The following PRKCE variants were observed in gnomAD, a reference collection of about 807,000 sequenced individuals.
The protein encoded by PRKCE is protein kinase C epsilon.
A neutral mutation model predicts 85.4 loss-of-function variants in PRKCE; 16 were observed. That is an observed-to-expected ratio of 0.19 (90% CI 0.13 to 0.28). The LOEUF (loss-of-function observed/expected upper bound fraction) is 0.28. Ranked by LOEUF, PRKCE falls within the 10% of genes least tolerant of loss-of-function variation. The pLI is 1.00. For synonymous variants in PRKCE, 388 were observed against 371.5 expected (o/e 1.04, Z -0.51); for missense variants, 573 against 975.2 (o/e 0.59, Z 5.49).
intron 14 of PRKCE, among the ~76,000 whole-genome samples, chr2:46,180,254 A>G (rs779083190): frequency 9.9e-5 from 15 of 152,144 alleles, no homozygotes; most frequent in Admixed American, 6.5e-5. Flanking sequence ...GAAGGCAGGG[A>G]TAGGGGAGGG....
chr2:46,074,419 C>CA (rs1294421513), intron 10 of PRKCE, among the ~76,000 whole-genome samples: 1 of 24,164 alleles, frequency 4.1e-5, no homozygotes, highest in Non-Finnish European at 9.1e-5. Flanking sequence ...AACAAACAAA[C>CA]AACAACAACC....
At chr2:45,751,759 T>C (rs1376408354) in intron 1 of PRKCE, among the ~76,000 whole-genome samples, 1 of 149,274 alleles carries the variant, frequency 6.7e-6, no homozygotes, top group African/African-American at 2.5e-5. Context: ...AAATTTCCCA[T>C]AACCCCACCC....
chr2:46,098,463 C>T (rs935757365), intron 11 of PRKCE, among the ~76,000 whole-genome samples: 3 of 152,164 alleles, frequency 2.0e-5, no homozygotes, highest in Admixed American at 2.0e-4. Context: ...TTGCAAGTGG[C>T]TGAGTGCACA....
At chr2:45,703,826 T>C (rs556947015) in intron 1 of PRKCE, among the ~76,000 whole-genome samples, 3,943 of 152,338 alleles carry the variant, frequency 0.026, 172 homozygotes, top group African/African-American at 0.091. Context: ...ATGCAGCCTG[T>C]TCACTCATAA....
chr2:45,883,421 G>A lies in PRKCE; in HGVS notation c.412+40358G>A, dbSNP rs144128933. Among the ~76,000 whole-genome samples the A allele has an allele frequency of 2.8e-3, 428 of 152,316 alleles. 2 individuals are homozygous for A. Among genetic ancestry groups the A allele is most frequent in the Non-Finnish European group, 3.8e-3 (256 of 68,026 alleles). On this transcript the variant is annotated intron_variant, in intron 2 of 14. Transcript: ENST00000306156. The stretch of plus-strand genomic sequence containing the variant: ...TGCTGCTGGCTCAGCTGTGGCCAGT[G>A]TCTAATGGCCTTCGGGAGCCAACCA...
intron 2 of PRKCE, among the ~76,000 whole-genome samples, chr2:45,935,153 C>A (rs1002848027): frequency 6.6e-6 from 1 of 151,990 alleles, no homozygotes. Flanking sequence ...TGAGGGGGAC[C>A]ATACCTTAAA....
At chr2:45,738,219 T>A (rs998909944) in intron 1 of PRKCE, among the ~76,000 whole-genome samples, 1 of 152,246 alleles carries the variant, frequency 6.6e-6, no homozygotes, top group Non-Finnish European at 1.5e-5. Flanking sequence ...TTAATGATGT[T>A]ATTTTTCAGG....
chr2:46,054,937 G>A (rs1666417684), intron 10 of PRKCE, among the ~76,000 whole-genome samples: 1 of 152,140 alleles, frequency 6.6e-6, no homozygotes, highest in Non-Finnish European at 1.5e-5. Context: ...CTTCAGAAAG[G>A]AGTCTGGCCA....
At position 45,912,927 on chromosome 2, in the gene PRKCE, T is replaced by C. The variant is rs148300134; in HGVS notation, c.413-63502T>C. ...TGATGGAGTTCAAGCCCATACCTTA[T>C]GGGGCCATTCTGAGGACACAGTGGT... On this transcript the variant is annotated intron_variant, in intron 2 of 14. Transcript: ENST00000306156. Among the ~76,000 whole-genome samples, 382 of 152,238 alleles carry C rather than the reference T, an allele frequency of 2.5e-3. 2 individuals are homozygous for C. Among genetic ancestry groups the C allele is most frequent in the African/African-American group, 8.6e-3 (358 of 41,554 alleles).
At chr2:46,126,653 G>T (rs1673894076) in intron 11 of PRKCE, among the ~76,000 whole-genome samples, 1 of 152,132 alleles carries the variant, frequency 6.6e-6, no homozygotes, top group Non-Finnish European at 1.5e-5. Context: ...TTTTCCTGGT[G>T]GTAATTCTTT....
chr2:46,135,059 G>A (rs572731612), intron 11 of PRKCE, among the ~76,000 whole-genome samples: 111 of 152,214 alleles, frequency 7.3e-4, no homozygotes, highest in Non-Finnish European at 1.4e-3. Flanking sequence ...TTCTATTGGC[G>A]GGATCAACCA....
chr2:46,148,645 C>G (rs925065664), intron 12 of PRKCE, among the ~76,000 whole-genome samples: 1 of 152,210 alleles, frequency 6.6e-6, no homozygotes, highest in African/African-American at 2.4e-5. Flanking sequence ...TTGACTGTCT[C>G]CTGGATGATA....
intron 10 of PRKCE, among the ~76,000 whole-genome samples, chr2:46,052,058 A>C (rs912928733): frequency 3.9e-5 from 6 of 152,182 alleles, no homozygotes; most frequent in African/African-American, 1.4e-4. Flanking sequence ...CTGGGTAGGG[A>C]CACAAAGCCT....
At position 45,795,158 on chromosome 2, in the gene PRKCE, C is replaced by T. The variant is rs573043650; in HGVS notation, c.349-47842C>T. On this transcript the variant is annotated intron_variant, in intron 1 of 14. Transcript: ENST00000306156. Reference sequence around the variant, plus strand: ...CTGATGAGCCAGCCAGGGCCCCAGCCTCACAGTTTCTGGTCTTCCTTGGCA... The same window carrying T: ...CTGATGAGCCAGCCAGGGCCCCAGCTTCACAGTTTCTGGTCTTCCTTGGCA... 8.5e-5 allele frequency among the ~76,000 whole-genome samples: 13 copies of T among 152,328 alleles called. No homozygotes were observed. In the South Asian group the frequency reaches 2.3e-3, roughly 27 times the overall value.
At chr2:45,925,306 T>C (rs1004919053) in intron 2 of PRKCE, among the ~76,000 whole-genome samples, 4 of 126,300 alleles carry the variant, frequency 3.2e-5, no homozygotes, top group African/African-American at 1.2e-4. Flanking sequence ...TTTATTTATT[T>C]ATTTATTTTT....
At chr2:46,099,777 A>C (rs184950232) in intron 11 of PRKCE, among the ~76,000 whole-genome samples, 1 of 152,280 alleles carries the variant, frequency 6.6e-6, no homozygotes, top group Admixed American at 6.5e-5. Flanking sequence ...AGAAAACTCC[A>C]GGGAGGTGAG....
chr2:46,080,043 C>A (rs1237718066), intron 10 of PRKCE, among the ~76,000 whole-genome samples: 1 of 152,176 alleles, frequency 6.6e-6, no homozygotes. Flanking sequence ...CTTTTAAAAT[C>A]TTTGATTACC....
chr2:45,907,189 A>G lies in PRKCE; in HGVS notation c.412+64126A>G, dbSNP rs1697044932. On this transcript the variant is annotated intron_variant, in intron 2 of 14. Transcript: ENST00000306156. The surrounding 1 kb of genome is among the most constrained non-coding windows in gnomAD (Gnocchi z 4.5). ...AGGCCAGTGATGGAAAGAAAGCCCG[A>G]GAGAAGAGAAAAATGAAGCTTTAAC... Among the ~76,000 whole-genome samples the G allele has an allele frequency of 6.6e-6, 1 of 152,246 alleles. No individual in the cohort carries two copies. The highest frequency in any genetic ancestry group is 2.1e-4 in the South Asian group (1 of 4,830).
intron 2 of PRKCE, among the ~76,000 whole-genome samples, chr2:45,852,950 G>C (rs776638327): frequency 6.6e-6 from 1 of 152,216 alleles, no homozygotes; most frequent in Non-Finnish European, 1.5e-5. Flanking sequence ...GGAGATGTCT[G>C]TGCTGCTGGT....
Sources: allele counts gnomAD v4.1 joint callset (sites outside exome capture counted in the v4.1 genomes callset), GRCh38; gene constraint gnomAD v4.1.1; non-coding constraint Gnocchi (gnomAD v3.1); transcripts MANE v1.5; gene names NCBI Gene and HGNC (gene_info 2026-07-23, HGNC 2026-07-21).